The following NFIA variants were observed in gnomAD, a reference collection of about 807,000 sequenced individuals.
NFIA encodes nuclear factor I A.
In NFIA, 8 loss-of-function variants were observed where a neutral mutation model predicts 62.8. The ratio of observed to expected loss-of-function variants is 0.13; its 90% confidence interval spans 0.07 to 0.23. NFIA has a LOEUF of 0.23. NFIA is among the 10% of genes least tolerant of loss of function. The probability of loss-of-function intolerance (pLI) is 1.00; values close to 1 mark genes in which losing one functional copy is unlikely to be tolerated. For synonymous variants in NFIA, 235 were observed against 238.1 expected (o/e 0.99, Z 0.12); for missense variants, 410 against 642.1 (o/e 0.64, Z 3.91).
intron 7 of NFIA, among the ~76,000 whole-genome samples, chr1:61,401,958 G>T (rs1313889698): frequency 6.6e-6 from 1 of 151,498 alleles, no homozygotes; most frequent in Non-Finnish European, 1.5e-5. Context: ...TTAGCTTGTG[G>T]GTTTTAACAA....
chr1:61,134,713 G>A (rs1441255323), intron 2 of NFIA, among the ~76,000 whole-genome samples: 1 of 152,202 alleles, frequency 6.6e-6, no homozygotes, highest in Non-Finnish European at 1.5e-5. Flanking sequence ...TTTTAGGCTG[G>A]ATGAGGTTAC....
intron 4 of NFIA, among the ~76,000 whole-genome samples, chr1:61,341,310 C>T (rs930858017): frequency 3.3e-5 from 5 of 152,068 alleles, no homozygotes; most frequent in Admixed American, 6.6e-5. Flanking sequence ...CTCCACCTCC[C>T]GAAGTGCTGG....
Position 61,406,543 on chromosome 1 carries a change from G to GACCCCCCCCC in NFIA, c.1255-19_1255-18insACCCCCCCCC. 1.1e-6 allele frequency: 1 copy of GACCCCCCCCC among 876,654 alleles called. No individual in the cohort carries two copies. The highest frequency in any genetic ancestry group is 2.0e-5 in the South Asian group (1 of 49,210). The allele number at this position is 876,654 out of a possible 1,614,324, so 54.3% of individuals were successfully genotyped here. A position where few individuals can be genotyped will look rare whatever the true frequency, so the allele number is the denominator to read the frequency against. On this transcript the variant is annotated intron_variant, in intron 8 of 10. Coordinates refer to ENST00000403491, the MANE Select transcript of NFIA (RefSeq NM_001134673.4). ...TCTTTTTCTTGTACGTGTGTTTTCT[G>GACCCCCCCCC]CCCCCCCCCCCCCCACAGCCCAATG...
At chr1:61,389,625 G>T (rs1664867941) in intron 7 of NFIA, among the ~76,000 whole-genome samples, 1 of 152,146 alleles carries the variant, frequency 6.6e-6, no homozygotes, top group Admixed American at 6.5e-5. Flanking sequence ...CCGACTGGGA[G>T]AAATTAACTG....
At chr1:61,101,601 C>T (rs1034455447) in intron 2 of NFIA, among the ~76,000 whole-genome samples, 2 of 151,978 alleles carry the variant, frequency 1.3e-5, no homozygotes, top group Non-Finnish European at 2.9e-5. Context: ...GGAGAGCAGG[C>T]GGTAGTGAAT....
At chr1:61,293,033 A>C (rs1417686895) in intron 3 of NFIA, among the ~76,000 whole-genome samples, 1 of 152,088 alleles carries the variant, frequency 6.6e-6, no homozygotes, top group African/African-American at 2.4e-5. Context: ...GGCTTTGGTG[A>C]AGTTGTAGGA....
At chr1:61,452,896 T>G (rs959908051) in intron 10 of NFIA, among the ~76,000 whole-genome samples, 2 of 152,108 alleles carry the variant, frequency 1.3e-5, no homozygotes, top group African/African-American at 2.4e-5. Context: ...CTAATTCCCT[T>G]AAGCAGCTAA....
intron 2 of NFIA, among the ~76,000 whole-genome samples, chr1:61,191,350 A>G (rs1203514649): frequency 6.6e-6 from 1 of 152,204 alleles, no homozygotes; most frequent in Admixed American, 6.5e-5. Flanking sequence ...TCAAGTTGCT[A>G]TGATACAGGC....
intron 10 of NFIA, among the ~76,000 whole-genome samples, chr1:61,440,150 G>A (rs913921142): frequency 1.3e-5 from 2 of 152,132 alleles, no homozygotes; most frequent in African/African-American, 4.8e-5. Context: ...GGATCGTGCT[G>A]CTCAATGAAG....
At chr1:61,078,703 C>T (rs1406137017), upstream of NFIA, among the ~76,000 whole-genome samples, 3 of 152,136 alleles carry the variant, frequency 2.0e-5, no homozygotes, top group South Asian at 2.1e-4. Flanking sequence ...CTTGGCTATT[C>T]TTGAATTCTG....
rs948990287 is a variant in NFIA, at chr1:61,219,355, A to G, written c.560-58165A>G. ...CATTTATTAGATATATGGATTTGGC[A>G]TATATAAGGAGTCTAGTTAGGCTTA... On this transcript the variant is annotated intron_variant, in intron 2 of 10. Transcript: ENST00000403491. Among the ~76,000 whole-genome samples, 21 of 152,292 alleles carry G rather than the reference A, an allele frequency of 1.4e-4. 1 individual carries two copies. The highest frequency in any genetic ancestry group is 4.6e-4 in the African/African-American group (19 of 41,558).
rs530161213 is a variant in NFIA at position 61,440,665 on chromosome 1, CT to C, written c.1512+14119del. 3.2e-3 allele frequency among the ~76,000 whole-genome samples: 476 copies of C among 146,668 alleles called. 2 individuals carry two copies. Among genetic ancestry groups the C allele is most frequent in the African/African-American group, 0.011 (445 of 39,964 alleles). On this transcript the variant is annotated intron_variant, in intron 10 of 10. Coordinates refer to ENST00000403491, the MANE Select transcript of NFIA (RefSeq NM_001134673.4). ...AGATTTTTGTATCCTCCTCCCGATG[CT>C]TTTTTTTTTCTTTTCTTTTCTTTGG...
At chr1:61,151,065 T>C (rs1265051817) in intron 2 of NFIA, among the ~76,000 whole-genome samples, 1 of 152,228 alleles carries the variant, frequency 6.6e-6, no homozygotes, top group Non-Finnish European at 1.5e-5. Flanking sequence ...ATGTTTCTTT[T>C]AGGCTAACGA....
chr1:61,453,443 C>CTTT (rs11336299), intron 10 of NFIA, among the ~76,000 whole-genome samples: 14 of 78,882 alleles, frequency 1.8e-4, no homozygotes, highest in African/African-American at 4.6e-4. Context: ...TGTGAAGAAA[C>CTTT]TTTTTTTTTT....
At chr1:61,197,918 T>A (rs1570362192) in intron 2 of NFIA, among the ~76,000 whole-genome samples, 1 of 150,966 alleles carries the variant, frequency 6.6e-6, no homozygotes, top group South Asian at 2.1e-4. Flanking sequence ...GAGGCGGAGG[T>A]TGCAGTGAGC....
intron 2 of NFIA, among the ~76,000 whole-genome samples, chr1:61,173,639 C>T (rs1409830080): frequency 6.6e-6 from 1 of 152,146 alleles, no homozygotes; most frequent in East Asian, 1.9e-4. Context: ...ATCCACCTGC[C>T]TCGGCCTCCC....
chr1:61,336,694 A>C (rs1268229416), intron 4 of NFIA, among the ~76,000 whole-genome samples: 1 of 152,062 alleles, frequency 6.6e-6, no homozygotes, highest in Non-Finnish European at 1.5e-5. Flanking sequence ...CCCACCACTG[A>C]TCTTTTTACT....
At chr1:61,189,284 G>T (rs1335071098) in intron 2 of NFIA, among the ~76,000 whole-genome samples, 1 of 152,128 alleles carries the variant, frequency 6.6e-6, no homozygotes, top group Non-Finnish European at 1.5e-5. Flanking sequence ...AGTGACTCTT[G>T]CCCTTCTGCT....
intron 3 of NFIA, among the ~76,000 whole-genome samples, chr1:61,310,788 C>CTTCCTTCCTTCCTTCCTTCCTTCG (rs1660064429): frequency 6.6e-6 from 1 of 150,838 alleles, no homozygotes; most frequent in Non-Finnish European, 1.5e-5. Context: ...TCCTTCCTTC[C>CTTCCTTCCTTCCTTCCTTCCTTCG]TTCCTTCCTC....
Sources: gnomAD v4.1 joint callset for allele counts (sites outside exome capture counted in the v4.1 genomes callset) on GRCh38, gnomAD v4.1.1 for gene constraint, MANE v1.5 for transcripts, NCBI Gene and HGNC (gene_info 2026-07-23, HGNC 2026-07-21) for gene names.